RBMS2: variants seen among roughly 807,000 people sequenced by gnomAD.
RBMS2 encodes RNA-binding motif, single-stranded-interacting protein 2.
A neutral mutation model predicts 58.4 loss-of-function variants in RBMS2; 38 were observed. The observed-to-expected ratio is 0.65, with a 90% confidence interval of 0.50 to 0.85. The LOEUF (loss-of-function observed/expected upper bound fraction) is 0.85, where lower values mean the gene tolerates loss of function less well. RBMS2 is among the 40% of genes least tolerant of loss of function. RBMS2 has a pLI of 0.00. For synonymous variants in RBMS2, 151 were observed against 180.7 expected (o/e 0.84, Z 1.32); for missense variants, 367 against 503.7 (o/e 0.73, Z 2.60).
intron 1 of RBMS2, among the ~76,000 whole-genome samples, chr12:56,537,248 G>C (rs1242827173): frequency 3.9e-5 from 6 of 152,098 alleles, no homozygotes; most frequent in Non-Finnish European, 8.8e-5. Flanking sequence ...TTAGTATACA[G>C]TTTAGTAGCA....
chr12:56,579,300 G>A (rs1181008621), intron 5 of RBMS2, among the ~76,000 whole-genome samples: 2 of 152,268 alleles, frequency 1.3e-5, no homozygotes, highest in East Asian at 1.9e-4. Flanking sequence ...CTAATGTGTG[G>A]TTTTCTCTAA....
intron 1 of RBMS2, among the ~76,000 whole-genome samples, chr12:56,536,144 G>A (rs1327882964): frequency 7.1e-6 from 1 of 140,824 alleles, no homozygotes; most frequent in African/African-American, 2.7e-5. Flanking sequence ...ATTTTGCAGT[G>A]AGCTGAGATC....
At chr12:56,529,620 A>G (rs957409935) in intron 1 of RBMS2, among the ~76,000 whole-genome samples, 3 of 152,158 alleles carry the variant, frequency 2.0e-5, no homozygotes, top group African/African-American at 7.2e-5. Context: ...GGAAAAAAAA[A>G]AGAAAAAAGG....
intron 3 of RBMS2, 38 bp from the exon 4 acceptor site, chr12:56,569,861 C>T: frequency 6.5e-7 from 1 of 1,537,934 alleles, no homozygotes; most frequent in Non-Finnish European, 9.0e-7. Flanking sequence ...GTTCCTTACA[C>T]CTCCCACTTC....
At position 56,587,592 on chromosome 12, in the gene RBMS2, T is replaced by C. The variant is rs1355360846; in HGVS notation, c.990T>C (p.Ser330=). 14 of 1,613,894 alleles carry C rather than the reference T, an allele frequency of 8.7e-6. No homozygotes were observed. The highest frequency in any genetic ancestry group is 1.1e-5 in the Non-Finnish European group (13 of 1,179,968). Residue 330 remains serine (S), a synonymous_variant, in exon 11 of 14, where the codon TCT becomes TCC. Coordinates refer to ENST00000262031, the MANE Select transcript of RBMS2 (RefSeq NM_002898.4). ...CACCAGGGATGGACCATCCCATTTC[T>C]CTCCAGCCTGCCTCCATGATGGGAC... ...VLTPGMDHPI[S]LQPASMMGPL... is the part of the protein sequence containing the mutation.
intron 1 of RBMS2, among the ~76,000 whole-genome samples, chr12:56,555,371 C>T (rs535560499): frequency 1.4e-5 from 2 of 147,710 alleles, no homozygotes; most frequent in Non-Finnish European, 3.0e-5. Flanking sequence ...ACCCAGGAGG[C>T]GGAGGTTGCG....
intron 4 of RBMS2, 171 bp downstream of exon 4, chr12:56,570,161 T>C: frequency 1.7e-6 from 1 of 596,256 alleles, no homozygotes; most frequent in Non-Finnish European, 2.9e-6. Flanking sequence ...GGAAGATGTA[T>C]TCAAAGTCTA....
intron 1 of RBMS2, among the ~76,000 whole-genome samples, chr12:56,542,606 T>C (rs1055772200): frequency 6.7e-6 from 1 of 149,736 alleles, no homozygotes. Context: ...TGGAGTGCAG[T>C]GGCCCGATCT....
At chr12:56,568,548 T>C (rs1477878495) in intron 2 of RBMS2, among the ~76,000 whole-genome samples, 1 of 151,190 alleles carries the variant, frequency 6.6e-6, no homozygotes. Context: ...TCTTTTTTTT[T>C]TTTTTTGAGA....
chr12:56,532,618 TC>T (rs1173681810), intron 1 of RBMS2, among the ~76,000 whole-genome samples: 1 of 152,178 alleles, frequency 6.6e-6, no homozygotes, highest in Non-Finnish European at 1.5e-5. Flanking sequence ...TTTCTCTTCT[TC>T]CCTTTACAGT....
In RBMS2 at chr12:56,581,394, G is replaced by T. The variant is rs189413693; in HGVS notation, c.623-5G>T. On this transcript the variant is annotated splice_region_variant and splice_polypyrimidine_tract_variant and intron_variant, in intron 6 of 13. Coordinates refer to ENST00000262031, the MANE Select transcript of RBMS2 (RefSeq NM_002898.4). ...CAGCTGCCCATCTGCCTTCTCTCTC[G>T]GCAGCCCCATCCGATCCCTTGCTTT... 16 of 1,614,026 alleles carry T rather than the reference G, an allele frequency of 9.9e-6. No homozygotes were observed. Among genetic ancestry groups the T allele is most frequent in the Non-Finnish European group, 1.3e-5 (15 of 1,179,962 alleles).
At chr12:56,585,011 T>C (rs899382669) in intron 9 of RBMS2, among the ~76,000 whole-genome samples, 3 of 151,972 alleles carry the variant, frequency 2.0e-5, no homozygotes, top group African/African-American at 7.3e-5. Flanking sequence ...TTAGTAGAGA[T>C]GGGGTTTCTC....
At chr12:56,571,961 T>C (rs1882363108) in intron 5 of RBMS2, 106 bp downstream of exon 5, 1 of 1,158,110 alleles carries the variant, frequency 8.6e-7, no homozygotes, top group African/African-American at 1.6e-5. Context: ...CAAAATACTT[T>C]ACTATTATTC....
At chr12:56,563,774 T>TA in intron 2 of RBMS2, among the ~76,000 whole-genome samples, 1 of 151,918 alleles carries the variant, frequency 6.6e-6, no homozygotes, top group Non-Finnish European at 1.5e-5. Context: ...CTTGTCTCTA[T>TA]AAAAAATATA....
At chr12:56,535,142 G>A (rs7313983) in intron 1 of RBMS2, among the ~76,000 whole-genome samples, 61,853 of 151,660 alleles carry the variant, frequency 0.41, 14,427 homozygotes, top group East Asian at 0.59. Flanking sequence ...AAACCTTGGA[G>A]TACCCCAGGA....
At chr12:56,521,502 G>GTTTTTTTT (rs68129205), upstream of RBMS2, among the ~76,000 whole-genome samples, 196 of 73,158 alleles carry the variant, frequency 2.7e-3, 22 homozygotes, top group African/African-American at 9.9e-3. Context: ...CTCTAACTCT[G>GTTTTTTTT]TTTTTTTTTT....
At chr12:56,587,336 C>A (rs1039544511) in intron 10 of RBMS2, among the ~76,000 whole-genome samples, 25 of 151,876 alleles carry the variant, frequency 1.6e-4, no homozygotes, top group African/African-American at 5.8e-4. Flanking sequence ...CCTTGTGCAA[C>A]CCAGCAGTAA....
chr12:56,574,149 C>A (rs1033390803), intron 5 of RBMS2, among the ~76,000 whole-genome samples: 1 of 152,116 alleles, frequency 6.6e-6, no homozygotes, highest in Non-Finnish European at 1.5e-5. Context: ...CCAGTCCACA[C>A]AACTTTTTAA....
intron 9 of RBMS2, among the ~76,000 whole-genome samples, chr12:56,586,558 C>CTT (rs574354728): frequency 8.3e-4 from 120 of 145,430 alleles, no homozygotes; most frequent in Admixed American, 2.4e-3. Flanking sequence ...TTTCCAAACC[C>CTT]TTTTTTTTTT....
Sources: allele counts gnomAD v4.1 joint callset (sites outside exome capture counted in the v4.1 genomes callset), GRCh38; gene constraint gnomAD v4.1.1; transcripts MANE v1.5; gene names NCBI Gene and HGNC (gene_info 2026-07-23, HGNC 2026-07-21).